Variants in HSD3B1 observed in about 807,000 individuals in gnomAD.
HSD3B1 encodes the protein 3 beta-hydroxysteroid dehydrogenase/Delta 5-->4-isomerase type 1.
A neutral mutation model predicts 10.4 loss-of-function variants in HSD3B1; 11 were observed. The ratio of observed to expected loss-of-function variants is 1.05; its 90% CI spans 0.66 to 1.75. HSD3B1 has a LOEUF of 1.75. HSD3B1 is among the 40% of genes most tolerant of loss of function. The probability of loss-of-function intolerance (pLI) is 0.00; values close to 1 mark genes in which losing one functional copy is unlikely to be tolerated. For missense variants in HSD3B1, 490 were observed against 454.5 expected, an observed-to-expected ratio of 1.08 and a Z score of -0.71; for synonymous variants, 217 against 185.4, an observed-to-expected ratio of 1.17 and a Z score of -1.39.
chr1:119,511,810 T>C (rs1570879812), intron 3 of HSD3B1, 143 bp downstream of exon 3: 1 of 740,130 alleles, frequency 1.4e-6, no homozygotes, highest in Non-Finnish European at 2.3e-6. Context: ...AATAGGAGAG[T>C]TCAAGACTGC....
At position 119,507,548 on chromosome 1, in the gene HSD3B1, G is replaced by C; in HGVS notation, c.72G>C (p.Val24=). ...FLGQRIIRLL[V]KEKELKEIRV... ...GACAGAGGATCATCCGCCTCTTGGT[G>C]AAGGAGAAGGAGCTGAAGGAGATCA... The change falls in exon 2 of 4, where the codon GTG becomes GTC. Residue 24 remains valine, a synonymous_variant. Transcript: ENST00000369413. 1.2e-6 allele frequency: 2 copies of C among 1,614,058 alleles called. No individual in the cohort carries two copies. Among genetic ancestry groups the C allele is most frequent in the Non-Finnish European group, 1.7e-6 (2 of 1,179,972 alleles).
At chr1:119,512,000 C>G (rs1183971969) in intron 3 of HSD3B1, 3 of 287,834 alleles carry the variant, frequency 1.0e-5, no homozygotes, top group Non-Finnish European at 2.0e-5. Flanking sequence ...AATCAAAAGT[C>G]AACTAATTTC....
In HSD3B1 at chr1:119,514,262, C is replaced by A; in HGVS notation, c.739C>A (p.Pro247Thr). 1 of 1,614,064 alleles carries A rather than the reference C, an allele frequency of 6.2e-7. No homozygotes were observed. The highest frequency in any genetic ancestry group is 8.5e-7 in the Non-Finnish European group (1 of 1,179,998). ...LRALQDPKKAPSIRGQFYYIS... is the reference protein window; with the variant it reads ...LRALQDPKKATSIRGQFYYIS... Reference sequence around the variant, plus strand: ...GGCCCTGCAGGACCCCAAGAAGGCCCCAAGCATCCGAGGACAGTTCTACTA... The same window carrying A: ...GGCCCTGCAGGACCCCAAGAAGGCCACAAGCATCCGAGGACAGTTCTACTA... The change falls in exon 4 of 4, where the codon CCA becomes ACA. Residue 247 changes from proline to threonine, a missense_variant. Pro to Thr is a conservative substitution (Grantham distance 38). Coordinates refer to ENST00000369413, the MANE Select transcript of HSD3B1 (RefSeq NM_000862.3).
rs199870564 is a variant in HSD3B1 at position 119,513,944 on chromosome 1, G to A, written c.421G>A (p.Gly141Ser). 1.4e-5 allele frequency: 22 copies of A among 1,613,946 alleles called. No homozygotes were observed. In the Admixed American group the frequency reaches 3.5e-4, roughly 26 times the overall value. The change falls in exon 4 of 4, where the codon GGC becomes AGC. Residue 141 changes from glycine to serine, a missense_variant. By Grantham distance (56) the Gly-to-Ser change is moderately conservative. Transcript: ENST00000369413. ...PNSYKEIIQN[G>S]HEEEPLENTW... ...CTCCTACAAGGAAATCATCCAGAATGGCCATGAAGAAGAGCCTCTGGAAAA... is the reference window on the plus strand; with the variant it reads ...CTCCTACAAGGAAATCATCCAGAATAGCCATGAAGAAGAGCCTCTGGAAAA...
intron 3 of HSD3B1, among the ~76,000 whole-genome samples, chr1:119,512,155 G>A (rs587705016): frequency 5.9e-5 from 9 of 152,270 alleles, no homozygotes; most frequent in African/African-American, 2.2e-4. Context: ...CAAACAAAAA[G>A]TCCTCTCGAG....
intron 2 of HSD3B1, among the ~76,000 whole-genome samples, chr1:119,510,912 A>C (rs1045790925): frequency 2.7e-5 from 4 of 150,646 alleles, no homozygotes; most frequent in Non-Finnish European, 5.9e-5. Flanking sequence ...ATGCCCAGCT[A>C]TTTCATGTAT....
chr1:119,509,181 C>A (rs1272120791), intron 2 of HSD3B1, among the ~76,000 whole-genome samples: 1 of 152,132 alleles, frequency 6.6e-6, no homozygotes. Flanking sequence ...GAGATAGAAA[C>A]AGAGAGGTTA....
chr1:119,511,157 A>G (rs1653925335), intron 2 of HSD3B1, among the ~76,000 whole-genome samples: 1 of 152,176 alleles, frequency 6.6e-6, no homozygotes, highest in Non-Finnish European at 1.5e-5. Flanking sequence ...ATTAACTTCA[A>G]ACTTTTCCCT....
chr1:119,513,587 A>T (rs1271124323), intron 3 of HSD3B1, among the ~76,000 whole-genome samples: 1 of 152,192 alleles, frequency 6.6e-6, no homozygotes, highest in Non-Finnish European at 1.5e-5. Context: ...ACACACACAC[A>T]TCCATGAAAC....
At chr1:119,508,510 C>T (rs1056660178) in intron 2 of HSD3B1, among the ~76,000 whole-genome samples, 10 of 152,184 alleles carry the variant, frequency 6.6e-5, no homozygotes, top group Admixed American at 2.0e-4. Flanking sequence ...GGACAATGAA[C>T]GCATCAAGGT....
Position 119,513,930 on chromosome 1 carries a change from A to G in HSD3B1, c.407A>G (p.Glu136Gly), listed in dbSNP as rs1654019747. Residue 136 changes from glutamate (E) to glycine (G), a missense_variant, in exon 4 of 4, where the codon GAA (glutamate) becomes GGA (glycine). By Grantham distance (98) the Glu-to-Gly change is moderately conservative (BLOSUM62 -2). Transcript: ENST00000369413. ...IEVAGPNSYK[E>G]IIQNGHEEEP... ...GTAGCCGGGCCCAACTCCTACAAGG[A>G]AATCATCCAGAATGGCCATGAAGAA... 6.2e-7 allele frequency: 1 copy of G among 1,613,962 alleles called. No individual in the cohort carries two copies. Among genetic ancestry groups the G allele is most frequent in the African/African-American group, 1.3e-5 (1 of 74,912 alleles).
chr1:119,507,514 G>T lies in HSD3B1; in HGVS notation c.38G>T (p.Gly13Val), dbSNP rs587743300. 1.2e-6 allele frequency: 2 copies of T among 1,613,976 alleles called. No individual in the cohort carries two copies. Among genetic ancestry groups the T allele is most frequent in the South Asian group, 2.2e-5 (2 of 91,070 alleles). The change falls in exon 2 of 4, where the codon GGG (glycine) becomes GTG (valine). Residue 13 changes from glycine (G) to valine (V), a missense_variant. Gly to Val is a moderately radical substitution (Grantham distance 109). Transcript: ENST00000369413. ...GWSCLVTGAG[G>V]FLGQRIIRLL... ...AGCTGCCTTGTGACAGGAGCAGGAG[G>T]GTTTCTGGGACAGAGGATCATCCGC... is the stretch of plus-strand genomic sequence containing the variant.
intron 2 of HSD3B1, 21 bp downstream of exon 2, chr1:119,507,642 G>A: frequency 6.2e-7 from 1 of 1,613,378 alleles, no homozygotes; most frequent in Non-Finnish European, 8.5e-7. Flanking sequence ...TTGGGTCATG[G>A]GTGTGTGGTT....
At chr1:119,507,368 T>TA in intron 1 of HSD3B1, 24 bp from the exon 2 acceptor site, 1 of 1,141,338 alleles carries the variant, frequency 8.8e-7, no homozygotes, top group Non-Finnish European at 1.3e-6. Context: ...TGTGAGTATA[T>TA]AACCATTTGA....
chr1:119,514,889 C>T lies in HSD3B1; in HGVS notation c.*244C>T. ...ACCATGTGGTTTGCTGTTACCAAAT[C>T]TCAGTAGCTGATTCTGAACAATTTA... On this transcript the variant is annotated 3_prime_UTR_variant, in exon 4 of 4. Transcript: ENST00000369413. The T allele has an allele frequency of 5.5e-6, 3 of 547,726 alleles. No homozygotes were observed. The highest frequency in any genetic ancestry group is 9.8e-4 in the Middle Eastern group (2 of 2,032). 33.9% of individuals were successfully genotyped at this position (547,726 alleles called of 1,614,324 possible).
Position 119,514,382 on chromosome 1 carries a change from C to G in HSD3B1, c.859C>G (p.Pro287Ala), listed in dbSNP as rs769420445. The G allele has an allele frequency of 8.7e-6, 14 of 1,614,148 alleles. No homozygotes were observed. The South Asian group carries it at 1.3e-4, about 15-fold the overall frequency. The change falls in exon 4 of 4, where the codon CCT becomes GCT. Residue 287 changes from proline (P) to alanine (A), a missense_variant. Coordinates refer to ENST00000369413, the MANE Select transcript of HSD3B1 (RefSeq NM_000862.3). Reference sequence around the variant, plus strand: ...CCGCCTTGATTCCAGATGGAGCTTTCCTTTATCCCTGATGTATTGGATTGG... The same window carrying G: ...CCGCCTTGATTCCAGATGGAGCTTTGCTTTATCCCTGATGTATTGGATTGG... ...GLRLDSRWSF[P>A]LSLMYWIGFL...
chr1:119,511,536 A>G lies in HSD3B1; in HGVS notation c.179A>G (p.Glu60Gly), dbSNP rs149251252. Residue 60 changes from glutamate (E) to glycine (G), a missense_variant, in exon 3 of 4, where the codon GAA becomes GGA. Transcript: ENST00000369413. ...AACAAGACCAAGCTGACAGTGCTGGAAGGAGACATTCTGGATGAGCCATTC... is the reference window on the plus strand; with the variant it reads ...AACAAGACCAAGCTGACAGTGCTGGGAGGAGACATTCTGGATGAGCCATTC... Reference protein sequence around the residue: ...LQNKTKLTVLEGDILDEPFLK... With the variant: ...LQNKTKLTVLGGDILDEPFLK... 317 of 1,613,720 alleles carry G rather than the reference A, an allele frequency of 2.0e-4. No homozygotes were observed. Among genetic ancestry groups the G allele is most frequent in the Middle Eastern group, 3.3e-4 (2 of 6,078 alleles).
rs1328793050 is a variant in HSD3B1 at position 119,514,758 on chromosome 1, C to T, written c.*113C>T. On this transcript the variant is annotated 3_prime_UTR_variant, in exon 4 of 4. Transcript: ENST00000369413. Reference sequence around the variant, plus strand: ...GGCACAAGCTCAGGTCCTGCTGCCTCCCTTTCATACAATGGCCAACTTATT... The same window carrying T: ...GGCACAAGCTCAGGTCCTGCTGCCTTCCTTTCATACAATGGCCAACTTATT... 4 of 1,182,952 alleles carry T rather than the reference C, an allele frequency of 3.4e-6. No homozygotes were observed. The highest frequency in any genetic ancestry group is 4.9e-6 in the Non-Finnish European group (4 of 815,418). 73.3% of individuals were successfully genotyped at this position (1,182,952 alleles called of 1,614,324 possible). A position where few individuals can be genotyped will look rare whatever the true frequency, so the allele number is the denominator to read the frequency against.
intron 3 of HSD3B1, 81 bp from the exon 4 acceptor site, chr1:119,513,753 G>C: frequency 1.5e-6 from 2 of 1,308,518 alleles, no homozygotes; most frequent in Non-Finnish European, 2.2e-6. Context: ...GGAGTGGGGG[G>C]TGGGGCACAT....
Sources: allele counts gnomAD v4.1 joint callset (sites outside exome capture counted in the v4.1 genomes callset), GRCh38; gene constraint gnomAD v4.1.1; transcripts MANE v1.5; gene names NCBI Gene and HGNC (gene_info 2026-07-23, HGNC 2026-07-21).